Variants in SLC61A1 observed in about 807,000 individuals in gnomAD.
SLC61A1 encodes the protein solute carrier family 61 member 1.
At chr12:53,251,926 G>A in the SLC61A1 span, 3 of 1,537,196 alleles carry the variant, frequency 2.0e-6, no homozygotes, top group Admixed American at 3.9e-5. Context: ...AGCCAGAGGA[G>A]CAGGTGTCAC....
the SLC61A1 span, chr12:53,252,011 C>T: frequency 2.0e-6 from 3 of 1,489,722 alleles, no homozygotes; most frequent in Non-Finnish European, 2.7e-6. Context: ...CGACCCACCC[C>T]AGGCGTCAGG....
the SLC61A1 span, chr12:53,252,263 C>T: frequency 7.1e-7 from 1 of 1,400,094 alleles, no homozygotes; most frequent in Non-Finnish European, 9.2e-7. Flanking sequence ...CAGACCGGGG[C>T]AGCAGGTGAG....
At chr12:53,253,166 T>C in the SLC61A1 span, 1 of 1,614,272 alleles carries the variant, frequency 6.2e-7, no homozygotes, top group East Asian at 2.2e-5. Context: ...TTGTGTCCTC[T>C]TCTCCCTGAC....
chr12:53,252,777 C>T, the SLC61A1 span: 1 of 1,593,634 alleles, frequency 6.3e-7, no homozygotes, highest in East Asian at 2.2e-5. Flanking sequence ...CCGTGCTGCC[C>T]GAAGGATGGA....
the SLC61A1 span, chr12:53,253,885 T>A: frequency 1.2e-6 from 2 of 1,614,202 alleles, no homozygotes; most frequent in Non-Finnish European, 1.7e-6. Context: ...TTCTACTTAT[T>A]GAGTTGGCTT....
the SLC61A1 span, chr12:53,252,134 C>A: frequency 2.8e-6 from 4 of 1,439,900 alleles, no homozygotes; most frequent in East Asian, 2.5e-5. Flanking sequence ...GAGGCCTGCC[C>A]GGCTCCCGGA....
At chr12:53,251,212 T>G in the SLC61A1 span, 1 of 153,224 alleles carries the variant, frequency 6.5e-6, no homozygotes, top group Non-Finnish European at 1.4e-5. Flanking sequence ...GGGAACCACG[T>G]GGATATCTTG....
the SLC61A1 span, chr12:53,251,687 C>T: frequency 2.7e-6 from 4 of 1,493,672 alleles, no homozygotes; most frequent in African/African-American, 5.6e-5. Context: ...GTTCTTTACA[C>T]CACACCGCCT....
At chr12:53,252,434 A>G in the SLC61A1 span, 2 of 1,285,658 alleles carry the variant, frequency 1.6e-6, no homozygotes, top group Admixed American at 3.9e-5. Context: ...TGCCCGGGAC[A>G]GAGGATGAGA....
the SLC61A1 span, chr12:53,252,982 C>G: frequency 6.2e-7 from 1 of 1,614,204 alleles, no homozygotes. Flanking sequence ...ATCAGGTCTA[C>G]TTCCTGGCCC....
chr12:53,251,898 G>A, the SLC61A1 span: 1 of 1,537,284 alleles, frequency 6.5e-7, no homozygotes. Flanking sequence ...TTTCAGGGTG[G>A]CCCCTCAGGC....
the SLC61A1 span, chr12:53,251,833 G>A: frequency 1.3e-6 from 2 of 1,537,306 alleles, no homozygotes; most frequent in Non-Finnish European, 1.7e-6. Context: ...TGGCTCTACC[G>A]GACTGCGGGC....
At chr12:53,251,924 G>C in the SLC61A1 span, 3 of 1,537,290 alleles carry the variant, frequency 2.0e-6, no homozygotes, top group South Asian at 3.6e-5. Context: ...AGAGCCAGAG[G>C]AGCAGGTGTC....
the SLC61A1 span, chr12:53,251,780 C>T: frequency 6.5e-6 from 10 of 1,537,262 alleles, no homozygotes; most frequent in East Asian, 2.2e-4. Flanking sequence ...GAGACCTTCT[C>T]GGCTTCGGGC....
the SLC61A1 span, chr12:53,252,245 C>T: frequency 7.1e-7 from 1 of 1,404,602 alleles, no homozygotes; most frequent in Non-Finnish European, 9.2e-7. Context: ...GTGTCCGGGG[C>T]GTCCCCGCAG....
chr12:53,251,619 C>G, the SLC61A1 span: 1 of 1,145,280 alleles, frequency 8.7e-7, no homozygotes, highest in African/African-American at 1.6e-5. Flanking sequence ...CAAGGCCACA[C>G]AGCTGGTAAG....
the SLC61A1 span, chr12:53,252,015 C>T: frequency 5.4e-6 from 7 of 1,300,692 alleles, no homozygotes; most frequent in South Asian, 2.5e-5. Context: ...CCACCCCAGG[C>T]GTCAGGAGTT....
the SLC61A1 span, chr12:53,254,292 C>T: frequency 2.0e-4 from 270 of 1,381,688 alleles, no homozygotes; most frequent in African/African-American, 3.0e-3. Context: ...TGTGGTTTCT[C>T]CTGCCATTGC....
At chr12:53,252,874 G>A in the SLC61A1 span, 3 of 1,614,096 alleles carry the variant, frequency 1.9e-6, no homozygotes, top group Non-Finnish European at 2.5e-6. Context: ...TAGGCCTCCT[G>A]GCCTCCTGCC....
Sources: gnomAD v4.1 joint callset for allele counts on GRCh38, gnomAD v4.1.1 for gene constraint, MANE v1.5 for transcripts, NCBI Gene and HGNC (gene_info 2026-07-23, HGNC 2026-07-21) for gene names.